The following RARB variants were observed in gnomAD, a reference collection of about 807,000 sequenced individuals.
RARB encodes HBV-activated protein.
In RARB, 17 loss-of-function variants were observed where a neutral mutation model predicts 51.9. The ratio of observed to expected loss-of-function variants is 0.33; its 90% CI spans 0.22 to 0.49. The LOEUF (loss-of-function observed/expected upper bound fraction) is 0.49. Ranked by LOEUF, RARB falls within the 20% of genes least tolerant of loss-of-function variation. The pLI is 0.99. For synonymous variants in RARB, 215 were observed against 195.4 expected (o/e 1.10, Z -0.84); for missense variants, 369 against 550.8 (o/e 0.67, Z 3.30).
intron 5 of RARB, among the ~76,000 whole-genome samples, chr3:25,585,219 G>GT (rs1013923316): frequency 6.6e-6 from 1 of 152,168 alleles, no homozygotes; most frequent in Non-Finnish European, 1.5e-5. Context: ...TTGGAACAGT[G>GT]TGTGGCACCC....
At chr3:25,273,649 T>G (rs1167722845) in intron 5 of RARB, among the ~76,000 whole-genome samples, 1 of 152,222 alleles carries the variant, frequency 6.6e-6, no homozygotes, top group Non-Finnish European at 1.5e-5. Context: ...AGATAAGGAA[T>G]GCGATATCAT....
upstream of RARB, among the ~76,000 whole-genome samples, chr3:25,427,980 C>T (rs1708044733): frequency 6.6e-6 from 1 of 152,138 alleles, no homozygotes; most frequent in South Asian, 2.1e-4. Context: ...TGGTGCTCAA[C>T]GTGAGCCAGG....
chr3:25,459,435 A>C (rs558964693), intron 1 of RARB, among the ~76,000 whole-genome samples: 4 of 152,344 alleles, frequency 2.6e-5, no homozygotes, highest in African/African-American at 9.6e-5. Context: ...GTCTTGTAGA[A>C]CATACTAAGG....
chr3:25,239,206 C>A (rs562628234), intron 5 of RARB, among the ~76,000 whole-genome samples: 1 of 152,226 alleles, frequency 6.6e-6, no homozygotes, highest in South Asian at 2.1e-4. Flanking sequence ...ATATTAGTCC[C>A]TTGTCATATG....
intron 4 of RARB, among the ~76,000 whole-genome samples, chr3:25,138,418 T>A (rs1410492031): frequency 6.6e-6 from 1 of 151,808 alleles, no homozygotes; most frequent in African/African-American, 2.4e-5. Flanking sequence ...ATTGATTCAG[T>A]CCCTGCCCCT....
At chr3:24,949,814 C>T (rs2362765) in intron 2 of RARB, among the ~76,000 whole-genome samples, 3,201 of 152,236 alleles carry the variant, frequency 0.021, 48 homozygotes, top group Non-Finnish European at 0.033. Flanking sequence ...TCTGAATGGT[C>T]ACAAGATGAA....
intron 1 of RARB, among the ~76,000 whole-genome samples, chr3:24,849,965 GA>G (rs1702536302): frequency 6.6e-6 from 1 of 152,188 alleles, no homozygotes; most frequent in Non-Finnish European, 1.5e-5. Flanking sequence ...TAATAGTGGA[GA>G]CTGAGTAATT....
At chr3:25,266,793 A>G (rs1462315141) in intron 5 of RARB, among the ~76,000 whole-genome samples, 1 of 152,228 alleles carries the variant, frequency 6.6e-6, no homozygotes, top group Non-Finnish European at 1.5e-5. Flanking sequence ...TCTCCCTGCC[A>G]TATAAGGAAA....
chr3:24,939,159 T>A lies in RARB; in HGVS notation c.-380+80407T>A, dbSNP rs528939182. ...CACGATATCTGGCTAATTGTTTGTA[T>A]TTTTAGTAGAAACTGGGTTTCATTG... On this transcript the variant is annotated intron_variant, in intron 2 of 11. Transcript: ENST00000383772. Among the ~76,000 whole-genome samples the A allele has an allele frequency of 6.6e-5, 10 of 152,258 alleles. No individual in the cohort carries two copies. In the East Asian group the frequency reaches 1.9e-3, roughly 29 times the overall value.
At chr3:24,928,155 T>A (rs1171128737) in intron 2 of RARB, among the ~76,000 whole-genome samples, 2 of 152,030 alleles carry the variant, frequency 1.3e-5, no homozygotes. Context: ...TTTATGCCAT[T>A]GGAAGTCAGC....
In RARB at chr3:25,297,810, T is replaced by A. The variant is rs187931277; in HGVS notation, c.178+123235T>A. On this transcript the variant is annotated intron_variant, in intron 5 of 11. Transcript: ENST00000383772. ...TTTATCTTTATCCAGGAGGTTGTTT[T>A]CAGAAATTTTTTGATGTTGTCCTAG... Among the ~76,000 whole-genome samples the A allele has an allele frequency of 4.6e-3, 699 of 152,334 alleles. 7 individuals are homozygous for A. The highest frequency in any genetic ancestry group is 5.2e-3 in the Non-Finnish European group (356 of 68,034).
chr3:25,146,588 A>G (rs1472061903), intron 4 of RARB, among the ~76,000 whole-genome samples: 1 of 149,450 alleles, frequency 6.7e-6, no homozygotes, highest in Non-Finnish European at 1.5e-5. Flanking sequence ...GCTCACTGCA[A>G]GCTCCGCCTC....
At chr3:25,457,311 G>A (rs766458904) in intron 1 of RARB, among the ~76,000 whole-genome samples, 7 of 152,226 alleles carry the variant, frequency 4.6e-5, no homozygotes, top group East Asian at 1.9e-4. Flanking sequence ...TGCCCATAGC[G>A]TATAACACAA....
At chr3:25,119,494 G>C (rs1246268491) in intron 3 of RARB, among the ~76,000 whole-genome samples, 1 of 152,062 alleles carries the variant, frequency 6.6e-6, no homozygotes, top group East Asian at 1.9e-4. Context: ...CCTTGGTACA[G>C]ACAATGCTCA....
chr3:24,892,486 A>G (rs865853071), intron 2 of RARB, among the ~76,000 whole-genome samples: 6 of 152,184 alleles, frequency 3.9e-5, no homozygotes, highest in South Asian at 2.1e-4. Context: ...TGCATTTTCA[A>G]CTTAGCACTG....
At chr3:25,055,923 T>C (rs961053879) in intron 2 of RARB, among the ~76,000 whole-genome samples, 1 of 152,124 alleles carries the variant, frequency 6.6e-6, no homozygotes, top group Non-Finnish European at 1.5e-5. Context: ...TGGGGACATG[T>C]GGGCAGTGCT....
At chr3:25,199,457 T>G (rs748076360) in intron 5 of RARB, among the ~76,000 whole-genome samples, 1 of 152,116 alleles carries the variant, frequency 6.6e-6, no homozygotes, top group Non-Finnish European at 1.5e-5. Flanking sequence ...TAATTGGAAT[T>G]TTTTTATTAT....
intron 5 of RARB, among the ~76,000 whole-genome samples, chr3:25,227,918 G>A (rs1702090580): frequency 6.6e-6 from 1 of 151,990 alleles, no homozygotes; most frequent in African/African-American, 2.4e-5. Context: ...ACCCGTGTCT[G>A]GGTATATTAG....
chr3:25,417,908 C>A (rs1160358190), intron 5 of RARB, among the ~76,000 whole-genome samples: 1 of 152,174 alleles, frequency 6.6e-6, no homozygotes, highest in East Asian at 1.9e-4. Flanking sequence ...GGCACGACAG[C>A]CAGTACTCCA....
Sources: allele counts gnomAD v4.1 joint callset (sites outside exome capture counted in the v4.1 genomes callset), GRCh38; gene constraint gnomAD v4.1.1; transcripts MANE v1.5; gene names NCBI Gene and HGNC (gene_info 2026-07-23, HGNC 2026-07-21).